The following RASGEF1C variants were observed in gnomAD, a reference collection of about 807,000 sequenced individuals.
RASGEF1C encodes ras-GEF domain-containing family member 1C.
In RASGEF1C, 27 loss-of-function variants were observed where a neutral mutation model predicts 58.1. The ratio of observed to expected loss-of-function variants is 0.46; its 90% CI spans 0.34 to 0.64. The LOEUF (loss-of-function observed/expected upper bound fraction) is 0.64. Among genes scored for constraint, RASGEF1C ranks in the 30% least tolerant of loss-of-function variants. RASGEF1C has a pLI of 0.01. For missense variants in RASGEF1C, 502 were observed against 605.1 expected (o/e 0.83, Z 1.79); for synonymous variants, 243 against 246.3 (o/e 0.99, Z 0.13).
At chr5:180,160,190 T>C (rs1330336182) in intron 1 of RASGEF1C, among the ~76,000 whole-genome samples, 3 of 152,162 alleles carry the variant, frequency 2.0e-5, no homozygotes, top group Non-Finnish European at 4.4e-5. Context: ...GGTGACTCAG[T>C]AGAGCGCCCC....
At chr5:180,123,162 C>G (rs1259403711) in intron 6 of RASGEF1C, among the ~76,000 whole-genome samples, 1 of 152,186 alleles carries the variant, frequency 6.6e-6, no homozygotes, top group Non-Finnish European at 1.5e-5. Context: ...AGGGTCAGCT[C>G]ATCAGGGATA....
At chr5:180,182,074 G>A (rs1247772298) in intron 1 of RASGEF1C, among the ~76,000 whole-genome samples, 12 of 151,570 alleles carry the variant, frequency 7.9e-5, no homozygotes, top group Admixed American at 2.6e-4. Flanking sequence ...GCATGGTGGC[G>A]GGCGCCTGTA....
chr5:180,133,164 G>T (rs1239228094), intron 4 of RASGEF1C, among the ~76,000 whole-genome samples: 1 of 152,036 alleles, frequency 6.6e-6, no homozygotes, highest in African/African-American at 2.4e-5. Flanking sequence ...CCCCACAAAG[G>T]CTGGGCTGCC....
chr5:180,192,290 GGAA>G (rs1481440041), intron 1 of RASGEF1C, among the ~76,000 whole-genome samples: 1 of 152,308 alleles, frequency 6.6e-6, no homozygotes, highest in African/African-American at 2.4e-5. Context: ...GCAATGGACA[GGAA>G]GAAGAAGCTC....
intron 1 of RASGEF1C, among the ~76,000 whole-genome samples, chr5:180,157,448 C>G (rs1284223712): frequency 1.4e-5 from 2 of 145,596 alleles, no homozygotes; most frequent in Non-Finnish European, 3.0e-5. Flanking sequence ...ATGGAGAAAC[C>G]CTGTCTCTAC....
In RASGEF1C at chr5:180,143,689, T is replaced by A. The variant is rs570668719; in HGVS notation, c.-6-5631A>T. On this transcript the variant is annotated intron_variant, in intron 1 of 13. Coordinates refer to ENST00000361132, the MANE Select transcript of RASGEF1C (RefSeq NM_175062.4). This position sits in a 1 kb window ranked among gnomAD's most constrained non-coding sequence, Gnocchi z 4.3. ...AGGGTGGCAATTAATTCTATTTTTT[T>A]AAAAAGCCACTGATGGGGCCACACA... is the stretch of plus-strand genomic sequence containing the variant. 2.6e-5 allele frequency among the ~76,000 whole-genome samples: 4 copies of A among 152,302 alleles called. No homozygotes were observed. In the South Asian group the frequency reaches 6.2e-4, roughly 24 times the overall value.
intron 1 of RASGEF1C, 111 bp downstream of exon 1, chr5:180,208,910 CGCGCGCA>C (rs1436937701): frequency 2.0e-5 from 3 of 148,598 alleles, no homozygotes; most frequent in Non-Finnish European, 4.5e-5. Context: ...GCTCCCGCGC[CGCGCGCA>C]GCCTCCCGCC....
At chr5:180,202,545 T>A (rs1361751736) in intron 1 of RASGEF1C, among the ~76,000 whole-genome samples, 1 of 152,146 alleles carries the variant, frequency 6.6e-6, no homozygotes, top group East Asian at 1.9e-4. Flanking sequence ...ATATCAGACA[T>A]CTTGTCAACA....
chr5:180,157,180 T>G (rs927070378), intron 1 of RASGEF1C, among the ~76,000 whole-genome samples: 1 of 152,120 alleles, frequency 6.6e-6, no homozygotes, highest in Non-Finnish European at 1.5e-5. Context: ...CCCAAAAGAG[T>G]TGAAAATTTA....
At chr5:180,150,689 C>T (rs1040273425) in intron 1 of RASGEF1C, among the ~76,000 whole-genome samples, 8 of 152,140 alleles carry the variant, frequency 5.3e-5, no homozygotes, top group Non-Finnish European at 8.8e-5. Flanking sequence ...CACTCCTATT[C>T]AACATAGTGT....
intron 1 of RASGEF1C, among the ~76,000 whole-genome samples, chr5:180,195,727 T>C (rs1158243437): frequency 3.3e-5 from 5 of 150,420 alleles, no homozygotes; most frequent in Admixed American, 3.3e-4. Context: ...ACACCACTAC[T>C]GCACTCCAGC....
In RASGEF1C at chr5:180,160,339, G is replaced by A. The variant is rs150191632; in HGVS notation, c.-6-22281C>T. On this transcript the variant is annotated intron_variant, in intron 1 of 13. Transcript: ENST00000361132. ...AGTTGGCCTCTGGGGCCTCCAGACT[G>A]GACACCCTCTGCTCCAGGTGCCTGG... Among the ~76,000 whole-genome samples the A allele has an allele frequency of 1.8e-3, 281 of 152,296 alleles. 1 individual carries two copies. Among genetic ancestry groups the A allele is most frequent in the African/African-American group, 6.3e-3 (260 of 41,560 alleles).
intron 1 of RASGEF1C, among the ~76,000 whole-genome samples, chr5:180,196,566 C>T (rs1471578277): frequency 1.3e-5 from 2 of 151,348 alleles, no homozygotes; most frequent in African/African-American, 4.9e-5. Context: ...CTTCTTATGT[C>T]AGTCTTGGTA....
chr5:180,121,211 C>T (rs2113256326), intron 6 of RASGEF1C, 62 bp from the exon 7 acceptor site: 1 of 1,157,488 alleles, frequency 8.6e-7, no homozygotes, highest in East Asian at 2.3e-5. Context: ...TCTTTTAGAG[C>T]ATGAAGTCAG....
intron 1 of RASGEF1C, among the ~76,000 whole-genome samples, chr5:180,160,387 A>G (rs921989839): frequency 6.6e-6 from 1 of 152,180 alleles, no homozygotes; most frequent in African/African-American, 2.4e-5. Flanking sequence ...GTGAGCCTAG[A>G]GACCTTTCTC....
At chr5:180,141,268 TG>T (rs1455300790) in intron 1 of RASGEF1C, among the ~76,000 whole-genome samples, 3 of 152,190 alleles carry the variant, frequency 2.0e-5, no homozygotes, top group African/African-American at 4.8e-5. Context: ...AATATTCCAT[TG>T]TTTGGATGTC....
At chr5:180,176,940 G>A (rs2113318513) in intron 1 of RASGEF1C, among the ~76,000 whole-genome samples, 1 of 152,328 alleles carries the variant, frequency 6.6e-6, no homozygotes, top group East Asian at 1.9e-4. Context: ...AGCCGTCAGG[G>A]TTGGGCAGTG....
At chr5:180,132,151 G>A (rs1766380663) in intron 4 of RASGEF1C, among the ~76,000 whole-genome samples, 1 of 152,224 alleles carries the variant, frequency 6.6e-6, no homozygotes, top group Non-Finnish European at 1.5e-5. Flanking sequence ...GCACCAGGCC[G>A]TGCTGGGGTG....
chr5:180,125,629 A>T (rs1347077098), intron 6 of RASGEF1C, among the ~76,000 whole-genome samples: 2 of 152,080 alleles, frequency 1.3e-5, no homozygotes, highest in African/African-American at 4.8e-5. Flanking sequence ...CTAAAAATAC[A>T]AAATTAGCCA....
Sources: gnomAD v4.1 joint callset for allele counts (sites outside exome capture counted in the v4.1 genomes callset) on GRCh38, gnomAD v4.1.1 for gene constraint, Gnocchi (gnomAD v3.1) non-coding constraint, MANE v1.5 for transcripts, NCBI Gene and HGNC (gene_info 2026-07-23, HGNC 2026-07-21) for gene names.